Variants in CNTN5 observed in about 807,000 individuals in gnomAD.
CNTN5 encodes the protein contactin-5.
In CNTN5, 77 loss-of-function variants were observed where a neutral mutation model predicts 129.1. The observed-to-expected ratio is 0.60, with a 90% CI of 0.50 to 0.72. The LOEUF is 0.72. Ranked by LOEUF, CNTN5 falls within the 30% of genes least tolerant of loss-of-function variation. The pLI, the probability that CNTN5 is intolerant of heterozygous loss-of-function variation, is 0.00. For missense variants in CNTN5, 1,478 were observed against 1,328.8 expected, an observed-to-expected ratio of 1.11 and a Z score of -1.75; for synonymous variants, 509 against 465.6, an observed-to-expected ratio of 1.09 and a Z score of -1.20.
intron 3 of CNTN5, among the ~76,000 whole-genome samples, chr11:99,685,107 T>G (rs1953732524): frequency 6.6e-6 from 1 of 151,660 alleles, no homozygotes; most frequent in African/African-American, 2.4e-5. Flanking sequence ...CTCACATTTT[T>G]GTCATAATTT....
chr11:99,765,943 T>TAA (rs1944739708), intron 3 of CNTN5, among the ~76,000 whole-genome samples: 2 of 152,056 alleles, frequency 1.3e-5, no homozygotes, highest in Non-Finnish European at 2.9e-5. Flanking sequence ...AGCACATTTA[T>TAA]ATCTGTCAAA....
chr11:99,072,758 G>A (rs748091085), intron 1 of CNTN5, among the ~76,000 whole-genome samples: 16 of 152,086 alleles, frequency 1.1e-4, no homozygotes, highest in African/African-American at 2.4e-4. Flanking sequence ...AGAAAAGTGC[G>A]CAAATCTTAA....
chr11:99,858,182 G>T (rs1948098740), intron 6 of CNTN5, among the ~76,000 whole-genome samples: 1 of 151,958 alleles, frequency 6.6e-6, no homozygotes, highest in African/African-American at 2.4e-5. Flanking sequence ...CTAGCTCACA[G>T]GAAATTAAAT....
rs577829542 is a variant in CNTN5, at chr11:99,035,288, G to A, written c.-210+14018G>A. On this transcript the variant is annotated intron_variant, in intron 1 of 24. Coordinates refer to ENST00000524871, the MANE Select transcript of CNTN5 (RefSeq NM_014361.4). ...AGTTCTGTAGATGTCTATTAGGTCCGCTTGGTGCAGAGCTGAGTTCAATTC... is the reference window on the plus strand; with the variant it reads ...AGTTCTGTAGATGTCTATTAGGTCCACTTGGTGCAGAGCTGAGTTCAATTC... Among the ~76,000 whole-genome samples, 1,173 of 149,398 alleles carry A rather than the reference G, an allele frequency of 7.9e-3. 10 individuals carry two copies. Among genetic ancestry groups the A allele is most frequent in the African/African-American group, 0.026 (1,068 of 40,876 alleles).
intron 13 of CNTN5, among the ~76,000 whole-genome samples, chr11:100,154,657 A>G (rs543393435): frequency 3.9e-5 from 6 of 152,012 alleles, no homozygotes; most frequent in Non-Finnish European, 8.8e-5. Context: ...AAAGCCCTCC[A>G]ATCTCTCCAC....
intron 7 of CNTN5, among the ~76,000 whole-genome samples, chr11:99,955,776 G>A (rs756875549): frequency 5.3e-5 from 8 of 152,030 alleles, no homozygotes; most frequent in Non-Finnish European, 1.2e-4. Flanking sequence ...ATGTTAGCCA[G>A]GATAGTCTCG....
chr11:99,759,847 G>A (rs1211652368), intron 3 of CNTN5, among the ~76,000 whole-genome samples: 1 of 152,046 alleles, frequency 6.6e-6, no homozygotes, highest in Non-Finnish European at 1.5e-5. Context: ...AAATTGGTTG[G>A]CTATTGGAAC....
chr11:100,151,971 A>C (rs1947075595), intron 13 of CNTN5, among the ~76,000 whole-genome samples: 1 of 152,024 alleles, frequency 6.6e-6, no homozygotes, highest in Non-Finnish European at 1.5e-5. Flanking sequence ...TTCTCTCCTG[A>C]TCCTATCTGC....
intron 3 of CNTN5, among the ~76,000 whole-genome samples, chr11:99,801,120 T>A (rs1946100942): frequency 6.6e-6 from 1 of 152,210 alleles, no homozygotes; most frequent in African/African-American, 2.4e-5. Flanking sequence ...CTTACAAGGC[T>A]GGCCTAGTGC....
intron 1 of CNTN5, among the ~76,000 whole-genome samples, chr11:99,041,450 A>T (rs901480867): frequency 6.6e-6 from 1 of 152,160 alleles, no homozygotes; most frequent in Non-Finnish European, 1.5e-5. Flanking sequence ...ATTTGTATGC[A>T]TGCCTTACTT....
intron 17 of CNTN5, 116 bp from the exon 18 acceptor site, chr11:100,270,976 C>A: frequency 1.3e-6 from 1 of 790,010 alleles, no homozygotes. Flanking sequence ...GACCACGTGT[C>A]GTGAGGAAAT....
At chr11:99,174,023 A>G (rs904666807) in intron 1 of CNTN5, among the ~76,000 whole-genome samples, 2 of 151,570 alleles carry the variant, frequency 1.3e-5, no homozygotes, top group African/African-American at 4.9e-5. Flanking sequence ...TGTGTGATGG[A>G]GCCTCATTCT....
At chr11:99,691,125 G>A (rs1447763073) in intron 3 of CNTN5, among the ~76,000 whole-genome samples, 1 of 151,468 alleles carries the variant, frequency 6.6e-6, no homozygotes, top group Non-Finnish European at 1.5e-5. Flanking sequence ...GTTTCTGATT[G>A]TGTTTATATG....
chr11:99,823,947 C>G (rs1322942955), intron 4 of CNTN5, among the ~76,000 whole-genome samples: 4 of 152,022 alleles, frequency 2.6e-5, no homozygotes, highest in Non-Finnish European at 5.9e-5. Context: ...TCCACCTTTT[C>G]TGGATCAACA....
At chr11:100,227,862 T>C (rs1042203445) in intron 16 of CNTN5, among the ~76,000 whole-genome samples, 1 of 152,166 alleles carries the variant, frequency 6.6e-6, no homozygotes, top group Non-Finnish European at 1.5e-5. Flanking sequence ...GAGGTAGATA[T>C]GTAAGAGATA....
chr11:100,031,962 T>C (rs1345088946), intron 9 of CNTN5, among the ~76,000 whole-genome samples: 1 of 152,132 alleles, frequency 6.6e-6, no homozygotes, highest in East Asian at 1.9e-4. Flanking sequence ...GACCCAGCTT[T>C]CACTGTCTTG....
At chr11:99,830,684 T>C (rs1947111326) in intron 4 of CNTN5, among the ~76,000 whole-genome samples, 1 of 152,200 alleles carries the variant, frequency 6.6e-6, no homozygotes, top group African/African-American at 2.4e-5. Context: ...ATTCTAATAA[T>C]AACTTTACAG....
At chr11:99,779,932 C>T (rs765129623) in intron 3 of CNTN5, among the ~76,000 whole-genome samples, 1 of 151,978 alleles carries the variant, frequency 6.6e-6, no homozygotes, top group Admixed American at 6.6e-5. Context: ...ACTCCTACTA[C>T]ATCTTAGAGT....
chr11:100,314,222 C>A (rs895690157), intron 21 of CNTN5, among the ~76,000 whole-genome samples: 13 of 152,072 alleles, frequency 8.5e-5, no homozygotes, highest in African/African-American at 3.1e-4. Flanking sequence ...TCACAGCTCT[C>A]CAGTGTTGGT....
Sources: allele counts gnomAD v4.1 joint callset (sites outside exome capture counted in the v4.1 genomes callset), GRCh38; gene constraint gnomAD v4.1.1; transcripts MANE v1.5; gene names NCBI Gene and HGNC (gene_info 2026-07-23, HGNC 2026-07-21).